Variants in POT1 observed in about 807,000 individuals in gnomAD.
POT1 encodes protection of telomeres protein 1.
In POT1, 47 loss-of-function variants were observed where a neutral mutation model predicts 78.5. The ratio of observed to expected loss-of-function variants is 0.60; its 90% CI spans 0.47 to 0.76. The LOEUF is 0.76. POT1 is among the 30% of genes least tolerant of loss of function. The pLI is 0.00. For missense variants in POT1, 646 were observed against 749.9 expected, an observed-to-expected ratio of 0.86 and a Z score of 1.62; for synonymous variants, 259 against 260.7, an observed-to-expected ratio of 0.99 and a Z score of 0.06.
chr7:124,859,024 C>T lies in POT1; in HGVS notation c.635G>A (p.Arg212Gln), dbSNP rs746903370. ...AATGTCTATTGTCAGATTTTGTAGC[C>T]GATGGATGTGACTTAAATCACCTTC... ...VLEGDLSHIH[R>Q]LQNLTIDILV... is the part of the protein sequence containing the mutation. Residue 212 changes from arginine (R) to glutamine (Q), a missense_variant, in exon 9 of 19, where the codon CGG becomes CAG. Transcript: ENST00000357628. The T allele has an allele frequency of 2.8e-5, 45 of 1,610,268 alleles. No individual in the cohort carries two copies. Among genetic ancestry groups the T allele is most frequent in the South Asian group, 5.5e-5 (5 of 90,650 alleles).
chr7:124,917,513 C>T (rs1797041757), intron 2 of POT1, among the ~76,000 whole-genome samples: 1 of 152,164 alleles, frequency 6.6e-6, no homozygotes, highest in African/African-American at 2.4e-5. Flanking sequence ...GAAAGACCTA[C>T]ACATGCCCAG....
At chr7:124,918,323 T>A (rs1053832599) in intron 2 of POT1, among the ~76,000 whole-genome samples, 1 of 152,310 alleles carries the variant, frequency 6.6e-6, no homozygotes, top group South Asian at 2.1e-4. Context: ...TGCCTGCCTA[T>A]CTATTAATAC....
At chr7:124,889,636 G>A (rs1796321169) in intron 6 of POT1, among the ~76,000 whole-genome samples, 5 of 151,986 alleles carry the variant, frequency 3.3e-5, no homozygotes, top group Non-Finnish European at 7.4e-5. Context: ...GTCTAATGCA[G>A]TTGATGACTT....
intron 11 of POT1, among the ~76,000 whole-genome samples, chr7:124,850,918 AC>A (rs1428266370): frequency 7.2e-4 from 107 of 147,730 alleles, no homozygotes; most frequent in African/African-American, 2.6e-3. Context: ...AAAAAAAAAA[AC>A]AACAACAACA....
chr7:124,926,897 T>C (rs1037499091), intron 2 of POT1, among the ~76,000 whole-genome samples: 9 of 152,050 alleles, frequency 5.9e-5, no homozygotes, highest in African/African-American at 2.2e-4. Flanking sequence ...AAGCAGAGTG[T>C]ACAGAGATGG....
chr7:124,855,341 A>G (rs1167221384), intron 9 of POT1, among the ~76,000 whole-genome samples: 3 of 151,830 alleles, frequency 2.0e-5, no homozygotes, highest in African/African-American at 4.8e-5. Context: ...CATTTAAAAA[A>G]TAAGGTGAAC....
At chr7:124,901,001 A>AGCT (rs979333264) in intron 3 of POT1, among the ~76,000 whole-genome samples, 2 of 152,134 alleles carry the variant, frequency 1.3e-5, no homozygotes, top group African/African-American at 4.8e-5. Context: ...GCGGCTGGGA[A>AGCT]GCTTGAACTG....
intron 15 of POT1, among the ~76,000 whole-genome samples, chr7:124,832,012 A>T (rs1177421338): frequency 1.3e-5 from 2 of 150,510 alleles, no homozygotes; most frequent in African/African-American, 4.9e-5. Context: ...AAAAAAAAAA[A>T]AAAAAAAAAA....
intron 9 of POT1, 48 bp downstream of exon 9, chr7:124,858,909 T>G: frequency 7.0e-7 from 1 of 1,427,362 alleles, no homozygotes. Flanking sequence ...CAAAAATCAC[T>G]ATAATTTATA....
In POT1 at chr7:124,892,160, G is replaced by A. The variant is rs1235136528; in HGVS notation, c.124+106C>T. 7.9e-5 allele frequency: 52 copies of A among 661,540 alleles called. 1 individual carries two copies. The highest frequency in any genetic ancestry group is 1.0e-5 in the Non-Finnish European group (4 of 389,090). The allele number at this position is 661,540 out of a possible 1,614,324, so 41.0% of individuals were successfully genotyped here. ...CATCAGTGTTGTTTGGCAATTATAGGTCAGAACTGAGCTTCTATTCTAGGA... is the reference window on the plus strand; with the variant it reads ...CATCAGTGTTGTTTGGCAATTATAGATCAGAACTGAGCTTCTATTCTAGGA... On this transcript the variant is annotated intron_variant, in intron 6 of 18. Coordinates refer to ENST00000357628, the MANE Select transcript of POT1 (RefSeq NM_015450.3).
intron 6 of POT1, among the ~76,000 whole-genome samples, chr7:124,885,622 C>T (rs1796226141): frequency 6.6e-6 from 1 of 151,806 alleles, no homozygotes; most frequent in African/African-American, 2.4e-5. Flanking sequence ...AAAAATTAGC[C>T]AGGCGTGGTG....
chr7:124,841,986 T>G (rs1490107212), intron 13 of POT1, among the ~76,000 whole-genome samples: 1 of 151,966 alleles, frequency 6.6e-6, no homozygotes, highest in Non-Finnish European at 1.5e-5. Flanking sequence ...AAAAATTTCT[T>G]CAAACAAACC....
chr7:124,919,407 C>G (rs1797093611), intron 2 of POT1, among the ~76,000 whole-genome samples: 1 of 152,130 alleles, frequency 6.6e-6, no homozygotes, highest in South Asian at 2.1e-4. Context: ...GTAACACATC[C>G]TGTTATGGAC....
At chr7:124,862,852 A>AT (rs988590991) in intron 8 of POT1, among the ~76,000 whole-genome samples, 14 of 152,248 alleles carry the variant, frequency 9.2e-5, no homozygotes, top group African/African-American at 2.9e-4. Flanking sequence ...GTCTTAAGTT[A>AT]TTTTTTTATC....
At chr7:124,928,760 A>C (rs2116732756) in intron 2 of POT1, 55 bp downstream of exon 2, 1 of 152,794 alleles carries the variant, frequency 6.5e-6, no homozygotes, top group East Asian at 1.9e-4. Context: ...CTCAACACTT[A>C]AAAACTGCAT....
At chr7:124,864,099 T>C (rs201187257) in intron 7 of POT1, among the ~76,000 whole-genome samples, 1 of 152,184 alleles carries the variant, frequency 6.6e-6, no homozygotes, top group Non-Finnish European at 1.5e-5. Flanking sequence ...CTGAGAGCAC[T>C]GAGATATGCC....
At chr7:124,871,163 A>T in intron 6 of POT1, 122 bp from the exon 7 acceptor site, 1 of 753,148 alleles carries the variant, frequency 1.3e-6, no homozygotes, top group Non-Finnish European at 1.9e-6. Context: ...TTCTAAGAGG[A>T]TTAAAACAGA....
intron 14 of POT1, among the ~76,000 whole-genome samples, chr7:124,837,455 C>T (rs1369889799): frequency 6.6e-6 from 1 of 151,990 alleles, no homozygotes; most frequent in African/African-American, 2.4e-5. Context: ...ACAATTCGAA[C>T]CCACAAGTTT....
At chr7:124,845,664 CCA>C (rs1361643374) in intron 12 of POT1, among the ~76,000 whole-genome samples, 1 of 151,850 alleles carries the variant, frequency 6.6e-6, no homozygotes, top group African/African-American at 2.4e-5. Context: ...AGTTTAGAAT[CCA>C]CAGATTCACA....
Sources: gnomAD v4.1 joint callset for allele counts (sites outside exome capture counted in the v4.1 genomes callset) on GRCh38, gnomAD v4.1.1 for gene constraint, MANE v1.5 for transcripts, NCBI Gene and HGNC (gene_info 2026-07-23, HGNC 2026-07-21) for gene names.